CYP4F3: variants seen among roughly 807,000 people sequenced by gnomAD.
CYP4F3 encodes cytochrome P450 4F3.
A neutral mutation model predicts 54.8 loss-of-function variants in CYP4F3; 50 were observed. The observed-to-expected ratio is 0.91, with a 90% confidence interval of 0.73 to 1.16. The LOEUF (loss-of-function observed/expected upper bound fraction) is 1.16. CYP4F3 is among the 50% of genes most tolerant of loss of function. The probability of loss-of-function intolerance (pLI) is 0.00; values close to 1 mark genes in which losing one functional copy is unlikely to be tolerated. For missense variants in CYP4F3, 715 were observed against 676.2 expected (o/e 1.06, Z -0.64); for synonymous variants, 244 against 262.6 (o/e 0.93, Z 0.69).
intron 7 of CYP4F3, among the ~76,000 whole-genome samples, chr19:15,650,739 TTC>T (rs1164590582): frequency 6.7e-4 from 30 of 44,866 alleles, no homozygotes; most frequent in Admixed American, 2.1e-3. Flanking sequence ...TTTCTTTCTT[TTC>T]CTTCCTTCCA....
chr19:15,656,703 CTATG>C (rs1360445425), intron 9 of CYP4F3, among the ~76,000 whole-genome samples: 11 of 150,730 alleles, frequency 7.3e-5, no homozygotes, highest in African/African-American at 2.7e-4. Flanking sequence ...TACCTATTAT[CTATG>C]TATCTATCTA....
At position 15,650,866 on chromosome 19, in the gene CYP4F3, C is replaced by CTTTCTTTCTTTG. The variant is rs1230234590; in HGVS notation, c.918+686_918+687insCTTTCTTTGTTT. Among the ~76,000 whole-genome samples the CTTTCTTTCTTTG allele has an allele frequency of 2.4e-3, 111 of 47,114 alleles. 20 individuals are homozygous for CTTTCTTTCTTTG. The highest frequency in any genetic ancestry group is 3.6e-3 in the African/African-American group (44 of 12,104). The allele number at this position is 47,114 out of a possible 152,430, so 30.9% of individuals were successfully genotyped here. A position where few individuals can be genotyped will look rare whatever the true frequency, so the allele number is the denominator to read the frequency against. ...TCTTTCTTTCTTTCTTTCTTTCTTT[C>CTTTCTTTCTTTG]TTTTTCTCTCTCTCTCTTTCCTTTT... On this transcript the variant is annotated intron_variant, in intron 7 of 12. Transcript: ENST00000221307.
At chr19:15,649,035 G>A in intron 5 of CYP4F3, 125 bp from the exon 6 acceptor site, 1 of 1,452,488 alleles carries the variant, frequency 6.9e-7, no homozygotes, top group East Asian at 2.4e-5. Flanking sequence ...GGTGCTCCCG[G>A]GTAAAGGGTC....
chr19:15,650,021 T>C lies in CYP4F3; in HGVS notation c.756T>C (p.Asp252=), dbSNP rs1287872422. The C allele has an allele frequency of 1.2e-6, 2 of 1,614,052 alleles. No individual in the cohort carries two copies. The highest frequency in any genetic ancestry group is 1.3e-5 in the African/African-American group (1 of 74,914). ...YIDFLYYLTP[D]GQRFRRACRL... ...ACTTCCTGTATTATCTCACCCCTGATGGGCAGCGTTTCCGCAGGGCCTGCC... is the reference window on the plus strand; with the variant it reads ...ACTTCCTGTATTATCTCACCCCTGACGGGCAGCGTTTCCGCAGGGCCTGCC... The change falls in exon 7 of 13, where the codon GAT becomes GAC. Residue 252 remains aspartate (D), a synonymous_variant. Coordinates refer to ENST00000221307, the MANE Select transcript of CYP4F3 (RefSeq NM_000896.3).
chr19:15,641,913 G>C (rs1428450137), intron 2 of CYP4F3, among the ~76,000 whole-genome samples: 1 of 152,038 alleles, frequency 6.6e-6, no homozygotes, highest in East Asian at 1.9e-4. Context: ...GTGAACCCCT[G>C]GCGTTCCCAC....
rs1036308305 is a variant in CYP4F3, at chr19:15,658,309, G to C, written c.1161G>C (p.Glu387Asp). Residue 387 changes from glutamate (E) to aspartate (D), a missense_variant, in exon 10 of 13, where the codon GAG becomes GAC. Physicochemically the swap from Glu to Asp is conservative, Grantham distance 45 (BLOSUM62 2). Coordinates refer to ENST00000221307, the MANE Select transcript of CYP4F3 (RefSeq NM_000896.3). Reference protein sequence around the residue: ...QLPFLTMCIKESLRLHPPVPA... With the variant: ...QLPFLTMCIKDSLRLHPPVPA... ...CCTTCCTGACCATGTGCATTAAGGA[G>C]AGCCTGAGGCTGCATCCCCCAGTCC... The C allele has an allele frequency of 5.6e-6, 9 of 1,613,988 alleles. No individual in the cohort carries two copies. The highest frequency in any genetic ancestry group is 2.7e-5 in the African/African-American group (2 of 74,886).
intron 9 of CYP4F3, among the ~76,000 whole-genome samples, chr19:15,657,099 A>G (rs2102960): frequency 0.21 from 31,646 of 151,998 alleles, 3,602 homozygotes; most frequent in Middle Eastern, 0.27. Flanking sequence ...CTTTTGTGTA[A>G]CTGTATAGTA....
At chr19:15,647,148 G>C (rs1599885558) in intron 4 of CYP4F3, 43 bp downstream of exon 4, 1 of 1,613,780 alleles carries the variant, frequency 6.2e-7, no homozygotes, top group Non-Finnish European at 8.5e-7. Context: ...AACCTGGGGG[G>C]CCAGGGGAGG....
At chr19:15,650,363 G>A (rs1972759236) in intron 7 of CYP4F3, 180 bp downstream of exon 7, 1 of 1,216,402 alleles carries the variant, frequency 8.2e-7, no homozygotes, top group African/African-American at 1.5e-5. Flanking sequence ...CCTACCAGGG[G>A]ACTGCTAAAT....
intron 9 of CYP4F3, among the ~76,000 whole-genome samples, chr19:15,653,773 A>AGAGAGT (rs1972939184): frequency 1.1e-4 from 14 of 132,890 alleles, no homozygotes; most frequent in African/African-American, 3.4e-4. Context: ...AGAGAGAGAG[A>AGAGAGT]GAGAGAGAGA....
chr19:15,651,868 A>T (rs2683035), intron 7 of CYP4F3, among the ~76,000 whole-genome samples: 31,933 of 152,162 alleles, frequency 0.21, 3,665 homozygotes, highest in Middle Eastern at 0.27. Context: ...CAGAGGCATT[A>T]AATCTCTGGA....
At chr19:15,642,576 C>T (rs1444303074) in intron 2 of CYP4F3, among the ~76,000 whole-genome samples, 6 of 152,200 alleles carry the variant, frequency 3.9e-5, no homozygotes, top group Non-Finnish European at 8.8e-5. Flanking sequence ...CTCATATGCC[C>T]ACCTCTGGGC....
At chr19:15,652,207 T>G (rs971866049) in intron 7 of CYP4F3, among the ~76,000 whole-genome samples, 1 of 152,164 alleles carries the variant, frequency 6.6e-6, no homozygotes, top group Non-Finnish European at 1.5e-5. Flanking sequence ...TGGGCAAATA[T>G]CTTTGAAGCA....
At chr19:15,658,154 A>G (rs1399760436) in intron 9 of CYP4F3, 110 bp from the exon 10 acceptor site, 1 of 1,554,992 alleles carries the variant, frequency 6.4e-7, no homozygotes, top group Non-Finnish European at 8.6e-7. Flanking sequence ...AATTCTTTTA[A>G]AAAGTTTATT....
At chr19:15,643,058 T>C (rs1972512327) in intron 2 of CYP4F3, among the ~76,000 whole-genome samples, 2 of 149,748 alleles carry the variant, frequency 1.3e-5, no homozygotes. Flanking sequence ...AATGGATGAG[T>C]GGATGAATGT....
At chr19:15,656,673 T>C (rs1973029569) in intron 9 of CYP4F3, among the ~76,000 whole-genome samples, 1 of 152,144 alleles carries the variant, frequency 6.6e-6, no homozygotes, top group Non-Finnish European at 1.5e-5. Context: ...ATCTATTATC[T>C]ATCTCTCTAC....
chr19:15,662,161 CT>C lies in CYP4F3; in HGVS notation c.*2778del, dbSNP rs1973194142. The C allele has an allele frequency of 6.7e-6, 1 of 149,588 alleles. No homozygotes were observed. Among genetic ancestry groups the C allele is most frequent in the South Asian group, 2.1e-4 (1 of 4,728 alleles). 9.3% of individuals were successfully genotyped at this position (149,588 alleles called of 1,614,324 possible). The stretch of plus-strand genomic sequence containing the variant: ...TGGTGTGTGCCTGTATTCACAGCTG[CT>C]TGGATGGCTGAGGCAGGAGAATCGC... On this transcript the variant is annotated 3_prime_UTR_variant, in exon 13 of 13. Transcript: ENST00000221307.
chr19:15,651,514 C>G (rs1343139641), intron 7 of CYP4F3, among the ~76,000 whole-genome samples: 1 of 139,096 alleles, frequency 7.2e-6, no homozygotes, highest in African/African-American at 2.6e-5. Context: ...ATTAGAGGCA[C>G]CTGGCTAATT....
intron 2 of CYP4F3, among the ~76,000 whole-genome samples, chr19:15,644,734 A>G (rs1376004354): frequency 2.0e-5 from 3 of 152,162 alleles, no homozygotes; most frequent in African/African-American, 7.2e-5. Flanking sequence ...GGAATCTCCA[A>G]AAGGAGACTC....
Sources: allele counts gnomAD v4.1 joint callset (sites outside exome capture counted in the v4.1 genomes callset), GRCh38; gene constraint gnomAD v4.1.1; transcripts MANE v1.5; gene names NCBI Gene and HGNC (gene_info 2026-07-23, HGNC 2026-07-21).